CHD6: variants seen among roughly 807,000 people sequenced by gnomAD.
CHD6 encodes ATP-dependent chromatin remodeler CHD6.
In CHD6, 50 loss-of-function variants were observed where a neutral mutation model predicts 276.9. That is an observed-to-expected ratio of 0.18 (90% CI 0.14 to 0.23). The LOEUF is 0.23. Ranked by LOEUF, CHD6 falls within the 10% of genes least tolerant of loss-of-function variation. CHD6 has a pLI of 1.00. For missense variants in CHD6, 2,564 were observed against 3,365.8 expected, an observed-to-expected ratio of 0.76 and a Z score of 5.89; for synonymous variants, 1,173 against 1,229.3, an observed-to-expected ratio of 0.95 and a Z score of 0.96.
At chr20:41,487,623 A>G (rs1268666699) in intron 14 of CHD6, 42 bp downstream of exon 14, 3 of 1,557,060 alleles carry the variant, frequency 1.9e-6, no homozygotes, top group Non-Finnish European at 1.7e-6. Context: ...TGATGAAGAT[A>G]ACGATCACAC....
rs749665782 is a variant in CHD6 at position 41,423,716 on chromosome 20, G to C, written c.4347-16C>G. On this transcript the variant is annotated splice_polypyrimidine_tract_variant and intron_variant, in intron 29 of 36. Transcript: ENST00000373233. The stretch of plus-strand genomic sequence containing the variant: ...CCTAGTCCACCTTGAGATTTAATCA[G>C]AAAGGAAGAGTGAGCTCTTTCTTCT... 1.2e-6 allele frequency: 2 copies of C among 1,601,440 alleles called. No individual in the cohort carries two copies. Among genetic ancestry groups the C allele is most frequent in the South Asian group, 2.2e-5 (2 of 90,550 alleles).
intron 3 of CHD6, among the ~76,000 whole-genome samples, chr20:41,520,884 A>G (rs1034589797): frequency 6.6e-6 from 1 of 152,344 alleles, no homozygotes; most frequent in South Asian, 2.1e-4. Context: ...TAAGTGAAAA[A>G]GGCAGTGTTA....
chr20:41,403,350 A>G lies in CHD6; in HGVS notation c.*1243T>C. On this transcript the variant is annotated 3_prime_UTR_variant, in exon 37 of 37. Transcript: ENST00000373233. ...TGAGACCATCAGAAGGGACGTTAAC[A>G]TGAAGGTGAAAGGACATGGGGAAGT... is the stretch of plus-strand genomic sequence containing the variant. 3.8e-6 allele frequency: 4 copies of G among 1,062,638 alleles called. No homozygotes were observed. Among genetic ancestry groups the G allele is most frequent in the Non-Finnish European group, 3.4e-6 (3 of 877,372 alleles). The allele number at this position is 1,062,638 out of a possible 1,614,324, so 65.8% of individuals were successfully genotyped here.
chr20:41,422,102 C>T (rs749105027), intron 30 of CHD6, 23 bp from the exon 31 acceptor site: 6 of 1,579,714 alleles, frequency 3.8e-6, no homozygotes, highest in Non-Finnish European at 4.3e-6. Context: ...GGAAATAAAG[C>T]CTATCACTGA....
chr20:41,530,479 G>A (rs556479692), intron 3 of CHD6, among the ~76,000 whole-genome samples: 17 of 152,194 alleles, frequency 1.1e-4, no homozygotes, highest in Middle Eastern at 3.4e-3. Flanking sequence ...ATCAAAACAC[G>A]TACTTGAGCC....
chr20:41,455,759 TC>T lies in CHD6; in HGVS notation c.3009+40del, dbSNP rs372877505. 1.8e-3 allele frequency: 2,436 copies of T among 1,331,890 alleles called. 14 individuals carry two copies. Among genetic ancestry groups the T allele is most frequent in the Middle Eastern group, 0.017 (61 of 3,542 alleles). The allele number at this position is 1,331,890 out of a possible 1,614,324, so 82.5% of individuals were successfully genotyped here. A position where few individuals can be genotyped will look rare whatever the true frequency, so the allele number is the denominator to read the frequency against. On this transcript the variant is annotated intron_variant, in intron 19 of 36. Coordinates refer to ENST00000373233, the MANE Select transcript of CHD6 (RefSeq NM_032221.5). ...GTTTCAGAGAATAAACATTTTTTTTTCTCTCCCACCCCCAACAGCTCTGGAG... is the reference window on the plus strand; with the variant it reads ...GTTTCAGAGAATAAACATTTTTTTTTTCTCCCACCCCCAACAGCTCTGGAG...
intron 3 of CHD6, among the ~76,000 whole-genome samples, chr20:41,516,453 T>C (rs1381770334): frequency 6.6e-6 from 1 of 152,040 alleles, no homozygotes; most frequent in Non-Finnish European, 1.5e-5. Context: ...AGATTACAGG[T>C]GTGAGCCACC....
Position 41,519,400 on chromosome 20 carries a change from T to C in CHD6, c.555-4448A>G, listed in dbSNP as rs917940371. On this transcript the variant is annotated intron_variant, in intron 3 of 36. Coordinates refer to ENST00000373233, the MANE Select transcript of CHD6 (RefSeq NM_032221.5). ...TACAGGAATGTAATCTAAAGATATATCACACGATATAAAAACACATATTCA... is the reference window on the plus strand; with the variant it reads ...TACAGGAATGTAATCTAAAGATATACCACACGATATAAAAACACATATTCA... 2.0e-5 allele frequency among the ~76,000 whole-genome samples: 3 copies of C among 152,218 alleles called. No individual in the cohort carries two copies. The East Asian group carries it at 5.8e-4, about 29-fold the overall frequency.
At chr20:41,511,380 T>C (rs1182963223) in intron 5 of CHD6, among the ~76,000 whole-genome samples, 1 of 152,224 alleles carries the variant, frequency 6.6e-6, no homozygotes, top group Non-Finnish European at 1.5e-5. Context: ...CTTCTCTTGC[T>C]TTTCATTTCT....
chr20:41,448,322 G>A (rs928274573), intron 23 of CHD6, among the ~76,000 whole-genome samples: 4 of 152,202 alleles, frequency 2.6e-5, no homozygotes, highest in Non-Finnish European at 5.9e-5. Flanking sequence ...ACTGAAGAGT[G>A]AGCAGGGTGA....
chr20:41,561,106 C>T (rs1365046339), intron 1 of CHD6, among the ~76,000 whole-genome samples: 1 of 152,126 alleles, frequency 6.6e-6, no homozygotes, highest in African/African-American at 2.4e-5. Context: ...TGCAACTACT[C>T]AATTCTGCTG....
intron 27 of CHD6, among the ~76,000 whole-genome samples, chr20:41,433,080 G>GA (rs1247890936): frequency 0.013 from 1,430 of 110,038 alleles, 12 homozygotes; most frequent in Middle Eastern, 0.034. Context: ...GTGAATAACA[G>GA]AAAAAAAAAA....
At chr20:41,465,924 G>T (rs981797257) in intron 17 of CHD6, among the ~76,000 whole-genome samples, 1 of 152,160 alleles carries the variant, frequency 6.6e-6, no homozygotes, top group Middle Eastern at 3.2e-3. Flanking sequence ...AAGTTTGTAG[G>T]CCGGGCGTGG....
intron 16 of CHD6, among the ~76,000 whole-genome samples, chr20:41,477,508 G>A (rs2043193839): frequency 6.6e-6 from 1 of 151,642 alleles, no homozygotes; most frequent in East Asian, 1.9e-4. Context: ...AAGGGCTAAA[G>A]ACTTAAATGA....
intron 3 of CHD6, among the ~76,000 whole-genome samples, chr20:41,522,631 TCAGGAAACATGCGCGCAC>T (rs1271285267): frequency 6.6e-6 from 1 of 152,036 alleles, no homozygotes; most frequent in Non-Finnish European, 1.5e-5. Flanking sequence ...TGCAACTGGT[TCAGGAAACATGCGCGCAC>T]GCGTGCGCGC....
chr20:41,553,398 T>C (rs1299423364), intron 1 of CHD6, among the ~76,000 whole-genome samples: 1 of 152,264 alleles, frequency 6.6e-6, no homozygotes, highest in Admixed American at 6.5e-5. Context: ...CCTAAGTAAC[T>C]GTTGGACATG....
chr20:41,607,016 A>C (rs1037703700), intron 1 of CHD6, among the ~76,000 whole-genome samples: 2 of 152,030 alleles, frequency 1.3e-5, no homozygotes, highest in Non-Finnish European at 2.9e-5. Context: ...AAACCCAAAC[A>C]ACTCACCACG....
At chr20:41,502,092 C>T (rs1399343336) in intron 5 of CHD6, among the ~76,000 whole-genome samples, 2 of 152,266 alleles carry the variant, frequency 1.3e-5, no homozygotes, top group African/African-American at 4.8e-5. Flanking sequence ...TTTTCAATCC[C>T]TTAATGTGTC....
At chr20:41,537,874 TA>T (rs929193981) in intron 2 of CHD6, among the ~76,000 whole-genome samples, 180 of 151,488 alleles carry the variant, frequency 1.2e-3, no homozygotes, top group Non-Finnish European at 1.9e-3. Flanking sequence ...CCATCATAGA[TA>T]CACACACACA....
Sources: allele counts gnomAD v4.1 joint callset (sites outside exome capture counted in the v4.1 genomes callset), GRCh38; gene constraint gnomAD v4.1.1; transcripts MANE v1.5; gene names NCBI Gene and HGNC (gene_info 2026-07-23, HGNC 2026-07-21).